Variants in DNAH7 observed in about 807,000 individuals in gnomAD.
DNAH7 encodes axonemal beta dynein heavy chain 7.
A neutral mutation model predicts 444.6 loss-of-function variants in DNAH7; 397 were observed. The observed-to-expected ratio is 0.89, with a 90% CI of 0.82 to 0.97. The LOEUF (loss-of-function observed/expected upper bound fraction) is 0.97. Ranked by LOEUF, DNAH7 falls within the 50% of genes least tolerant of loss-of-function variation. The pLI is 0.00. For synonymous variants in DNAH7, 1,636 were observed against 1,624.4 expected (o/e 1.01, Z -0.17); for missense variants, 4,902 against 4,800.8 (o/e 1.02, Z -0.62).
intron 5 of DNAH7, among the ~76,000 whole-genome samples, chr2:196,029,233 C>T (rs997097849): frequency 1.3e-5 from 2 of 148,746 alleles, no homozygotes; most frequent in African/African-American, 5.2e-5. Context: ...CACCATAAAG[C>T]ATATGACCTC....
At chr2:195,827,744 A>G (rs904962139) in intron 48 of DNAH7, among the ~76,000 whole-genome samples, 1 of 150,024 alleles carries the variant, frequency 6.7e-6, no homozygotes, top group African/African-American at 2.4e-5. Context: ...AGGCTCAGCT[A>G]ATTTTTTTTT....
In DNAH7 at chr2:195,754,600, G is replaced by A. The variant is rs1163536793; in HGVS notation, c.11587-86C>T. 47 of 1,404,100 alleles carry A rather than the reference G, an allele frequency of 3.3e-5. No individual in the cohort carries two copies. The East Asian group carries it at 1.1e-3, about 33-fold the overall frequency. The allele number at this position is 1,404,100 out of a possible 1,614,324, so 87.0% of individuals were successfully genotyped here. A position where few individuals can be genotyped will look rare whatever the true frequency, so the allele number is the denominator to read the frequency against. The stretch of plus-strand genomic sequence containing the variant: ...TTGAGACAGGATCTCTGGTTGCCCA[G>A]GCAGGGCTCAGGTGATCCTCTCACC... On this transcript the variant is annotated intron_variant, in intron 62 of 64. Coordinates refer to ENST00000312428, the MANE Select transcript of DNAH7 (RefSeq NM_018897.3).
chr2:195,925,144 T>A lies in DNAH7; in HGVS notation c.3612+1282A>T, dbSNP rs550593952. 2.4e-4 allele frequency among the ~76,000 whole-genome samples: 37 copies of A among 152,354 alleles called. No homozygotes were observed. The South Asian group carries it at 5.6e-3, about 23-fold the overall frequency. On this transcript the variant is annotated intron_variant, in intron 22 of 64. Coordinates refer to ENST00000312428, the MANE Select transcript of DNAH7 (RefSeq NM_018897.3). Reference sequence around the variant, plus strand: ...GAAATACTTCATCTTTTTTTATTTTTTTTTTTAAGAAAGATCAGTTTTCAA... The same window carrying A: ...GAAATACTTCATCTTTTTTTATTTTATTTTTTAAGAAAGATCAGTTTTCAA...
chr2:196,010,730 T>C (rs1039905469), intron 10 of DNAH7, among the ~76,000 whole-genome samples: 1 of 152,146 alleles, frequency 6.6e-6, no homozygotes, highest in Non-Finnish European at 1.5e-5. Context: ...TGTGTGTGTA[T>C]AGTATATAAA....
At chr2:195,864,054 G>A in intron 41 of DNAH7, 95 bp downstream of exon 41, 1 of 1,200,282 alleles carries the variant, frequency 8.3e-7, no homozygotes. Context: ...CAATATTTTG[G>A]GGTAAACTAC....
At chr2:195,897,795 T>A (rs369216466) in intron 28 of DNAH7, 30 bp from the exon 29 acceptor site, 20 of 1,303,164 alleles carry the variant, frequency 1.5e-5, no homozygotes, top group Non-Finnish European at 2.2e-5. Flanking sequence ...CTCATGAGGA[T>A]ATCTGCATCT....
chr2:196,026,683 T>C (rs1476547008), intron 7 of DNAH7, 77 bp downstream of exon 7: 18 of 974,204 alleles, frequency 1.8e-5, no homozygotes, highest in Non-Finnish European at 2.4e-5. Context: ...GTTTCAAGTA[T>C]AGGTATTATT....
At chr2:195,794,224 G>A (rs754813669) in intron 57 of DNAH7, 114 bp downstream of exon 57, 65 of 840,070 alleles carry the variant, frequency 7.7e-5, no homozygotes, top group East Asian at 9.8e-5. Context: ...ACTGCACTGC[G>A]GTGCAGGAGG....
chr2:195,901,206 G>C (rs1211777159), intron 27 of DNAH7: 1 of 151,946 alleles, frequency 6.6e-6, no homozygotes, highest in African/African-American at 2.4e-5. Context: ...AAGTTGATTG[G>C]CTTGATTAGG....
intron 24 of DNAH7, among the ~76,000 whole-genome samples, chr2:195,911,735 T>C (rs1687371098): frequency 6.6e-6 from 1 of 152,194 alleles, no homozygotes; most frequent in Admixed American, 6.5e-5. Flanking sequence ...CTTCTATACC[T>C]AGCTACTCTG....
At chr2:196,044,223 G>GTGTA (rs2125838748) in intron 5 of DNAH7, among the ~76,000 whole-genome samples, 1 of 151,018 alleles carries the variant, frequency 6.6e-6, no homozygotes, top group African/African-American at 2.4e-5. Context: ...GTGTGTGTGT[G>GTGTA]TGTATACATA....
At chr2:195,877,595 T>C (rs1461124348) in intron 36 of DNAH7, among the ~76,000 whole-genome samples, 1 of 152,222 alleles carries the variant, frequency 6.6e-6, no homozygotes, top group Non-Finnish European at 1.5e-5. Flanking sequence ...AAAGCATACT[T>C]TGGAATATTA....
chr2:195,906,840 T>A, intron 26 of DNAH7, 54 bp from the exon 27 acceptor site: 1 of 1,609,468 alleles, frequency 6.2e-7, no homozygotes, highest in Non-Finnish European at 8.5e-7. Context: ...AAACATGAGC[T>A]GTGCCATTCA....
At chr2:195,874,460 G>A (rs1251660562) in intron 38 of DNAH7, among the ~76,000 whole-genome samples, 1 of 152,102 alleles carries the variant, frequency 6.6e-6, no homozygotes. Flanking sequence ...ATACCTCATG[G>A]TTTCAGCATA....
intron 48 of DNAH7, among the ~76,000 whole-genome samples, chr2:195,832,784 C>T (rs961560460): frequency 6.6e-6 from 1 of 152,042 alleles, no homozygotes; most frequent in Admixed American, 6.6e-5. Flanking sequence ...AGAAGTCTTC[C>T]CCAGTTCCTC....
At chr2:195,874,588 T>C (rs1209297750) in intron 38 of DNAH7, among the ~76,000 whole-genome samples, 1 of 145,816 alleles carries the variant, frequency 6.9e-6, no homozygotes, top group Non-Finnish European at 1.5e-5. Flanking sequence ...AGGAGCAATA[T>C]GGTCTTTTAT....
chr2:195,862,353 T>C (rs1158230140), intron 41 of DNAH7, among the ~76,000 whole-genome samples: 2 of 152,332 alleles, frequency 1.3e-5, no homozygotes, highest in African/African-American at 4.8e-5. Flanking sequence ...CTCTTCTTTC[T>C]TTGTCTACCT....
intron 5 of DNAH7, among the ~76,000 whole-genome samples, chr2:196,041,601 A>C (rs374688364): frequency 2.2e-4 from 34 of 152,262 alleles, no homozygotes; most frequent in African/African-American, 7.9e-4. Context: ...AAACTATGAA[A>C]GTACTAGAAG....
In DNAH7 at chr2:195,873,736, T is replaced by TATA. The variant is rs1389768620; in HGVS notation, c.6287-45_6287-43dup. On this transcript the variant is annotated intron_variant, in intron 38 of 64. Transcript: ENST00000312428. The stretch of plus-strand genomic sequence containing the variant: ...ATAACTCTTAATAATGTTACTAGTA[T>TATA]ATACAAGAGTATTTTCTCAAATATT... 5.1e-6 allele frequency: 7 copies of TATA among 1,365,284 alleles called. No homozygotes were observed. In the East Asian group the frequency reaches 1.6e-4, roughly 32 times the overall value. 84.6% of individuals were successfully genotyped at this position (1,365,284 alleles called of 1,614,324 possible).
Sources: gnomAD v4.1 joint callset for allele counts (sites outside exome capture counted in the v4.1 genomes callset) on GRCh38, gnomAD v4.1.1 for gene constraint, MANE v1.5 for transcripts, NCBI Gene and HGNC (gene_info 2026-07-23, HGNC 2026-07-21) for gene names.